PXDNL: variants seen among roughly 807,000 people sequenced by gnomAD.
PXDNL encodes the protein peroxidasin like.
In PXDNL, 145 loss-of-function variants were observed where a neutral mutation model predicts 150.8. The ratio of observed to expected loss-of-function variants is 0.96; its 90% CI spans 0.84 to 1.10. The LOEUF (loss-of-function observed/expected upper bound fraction) is 1.10, where lower values mean the gene tolerates loss of function less well. Among genes scored for constraint, PXDNL ranks in the 50% least tolerant of loss-of-function variants. The pLI, the probability that PXDNL is intolerant of heterozygous loss-of-function variation, is 0.00. For synonymous variants in PXDNL, 757 were observed against 725.7 expected (o/e 1.04, Z -0.69); for missense variants, 2,087 against 1,873.9 (o/e 1.11, Z -2.10).
chr8:51,686,751 T>C (rs1236341264), intron 1 of PXDNL, among the ~76,000 whole-genome samples: 1 of 152,176 alleles, frequency 6.6e-6, no homozygotes, highest in East Asian at 1.9e-4. Flanking sequence ...TGAAATATTT[T>C]GTGGGCATAA....
intron 19 of PXDNL, among the ~76,000 whole-genome samples, chr8:51,361,475 A>T (rs578052640): frequency 3.3e-5 from 5 of 152,314 alleles, no homozygotes; most frequent in South Asian, 2.1e-4. Context: ...GATGTAAGGT[A>T]AAAAGGAGAT....
chr8:51,625,297 A>G (rs1814341457), intron 2 of PXDNL, among the ~76,000 whole-genome samples: 2 of 152,184 alleles, frequency 1.3e-5, no homozygotes, highest in Non-Finnish European at 2.9e-5. Context: ...TAGAGAAAAA[A>G]GCGATGTATG....
chr8:51,320,024 T>C lies in PXDNL; in HGVS notation c.4261-2A>G. Reference sequence around the variant, plus strand: ...CACCACACAGGTGACCTGGCCACTCTGAAAGGCAGCATGCACATATCACCT... The same window carrying C: ...CACCACACAGGTGACCTGGCCACTCCGAAAGGCAGCATGCACATATCACCT... On this transcript the variant is annotated splice_acceptor_variant, in intron 22 of 22. Transcript: ENST00000356297. LOFTEE classifies it high-confidence loss of function. 6.7e-7 allele frequency: 1 copy of C among 1,498,488 alleles called. No individual in the cohort carries two copies. Among genetic ancestry groups the C allele is most frequent in the Non-Finnish European group, 8.9e-7 (1 of 1,124,662 alleles). 92.8% of individuals were successfully genotyped at this position (1,498,488 alleles called of 1,614,324 possible).
rs367862959 is a variant in PXDNL, at chr8:51,554,529, C to G, written c.380+2311G>C. On this transcript the variant is annotated intron_variant, in intron 4 of 22. Coordinates refer to ENST00000356297, the MANE Select transcript of PXDNL (RefSeq NM_144651.5). ...CTTCCCTTTTAATTATAAAGGTCATCTTTAAATCATTCATCTCTTCCTACA... is the reference window on the plus strand; with the variant it reads ...CTTCCCTTTTAATTATAAAGGTCATGTTTAAATCATTCATCTCTTCCTACA... Among the ~76,000 whole-genome samples the G allele has an allele frequency of 9.9e-4, 151 of 152,302 alleles. 7 individuals are homozygous for G. In the South Asian group the frequency reaches 0.028, roughly 28 times the overall value.
intron 12 of PXDNL, among the ~76,000 whole-genome samples, chr8:51,439,660 A>G (rs1404687449): frequency 6.6e-6 from 1 of 152,028 alleles, no homozygotes; most frequent in East Asian, 1.9e-4. Context: ...AACTGTCTCT[A>G]CTAAAAATAT....
chr8:51,691,806 T>C (rs1335466358), intron 1 of PXDNL, among the ~76,000 whole-genome samples: 4 of 152,168 alleles, frequency 2.6e-5, no homozygotes, highest in African/African-American at 7.2e-5. Context: ...AGAACACTTA[T>C]CCTCAGCCCC....
At chr8:51,748,470 C>G (rs1259487188) in intron 1 of PXDNL, among the ~76,000 whole-genome samples, 1 of 152,122 alleles carries the variant, frequency 6.6e-6, no homozygotes, top group East Asian at 1.9e-4. Flanking sequence ...GGCAGAAAGG[C>G]AGGTGGGGTG....
At chr8:51,367,927 A>C (rs1806970573) in intron 19 of PXDNL, among the ~76,000 whole-genome samples, 1 of 152,188 alleles carries the variant, frequency 6.6e-6, no homozygotes, top group Non-Finnish European at 1.5e-5. Context: ...CAGGAGTTTG[A>C]GACCAGCCTG....
chr8:51,330,641 T>C (rs1339419792), intron 21 of PXDNL, among the ~76,000 whole-genome samples: 2 of 152,210 alleles, frequency 1.3e-5, no homozygotes, highest in Admixed American at 1.3e-4. Flanking sequence ...ATCAACTACA[T>C]TCACATTATG....
At chr8:51,490,019 G>A (rs1165036653) in intron 5 of PXDNL, among the ~76,000 whole-genome samples, 2 of 152,088 alleles carry the variant, frequency 1.3e-5, no homozygotes, top group Non-Finnish European at 1.5e-5. Flanking sequence ...TAGAAGACAG[G>A]GGTCTCTGGT....
chr8:51,714,689 G>A (rs538803234), intron 1 of PXDNL, among the ~76,000 whole-genome samples: 11 of 152,142 alleles, frequency 7.2e-5, no homozygotes, highest in Non-Finnish European at 1.6e-4. Flanking sequence ...GACAAGAGGG[G>A]AAGGAAAATG....
chr8:51,433,591 C>T (rs1479826455), intron 12 of PXDNL, among the ~76,000 whole-genome samples: 1 of 152,112 alleles, frequency 6.6e-6, no homozygotes, highest in Non-Finnish European at 1.5e-5. Flanking sequence ...TTACAGAATT[C>T]ATCTGTAAAT....
Position 51,803,544 on chromosome 8 carries a change from C to T in PXDNL, c.164+5637G>A, listed in dbSNP as rs545843114. 5.9e-5 allele frequency among the ~76,000 whole-genome samples: 9 copies of T among 152,258 alleles called. 1 individual carries two copies. The highest frequency in any genetic ancestry group is 1.4e-4 in the African/African-American group (6 of 41,548). ...CCCATCCTCTCTCTTGAAGAACAAA[C>T]GATACTGTCTTCTGGGCTCCTCCTG... On this transcript the variant is annotated intron_variant, in intron 1 of 22. Transcript: ENST00000356297.
chr8:51,509,796 A>G (rs1811373536), intron 4 of PXDNL, among the ~76,000 whole-genome samples: 1 of 151,232 alleles, frequency 6.6e-6, no homozygotes, highest in Non-Finnish European at 1.5e-5. Flanking sequence ...ACACACGTAT[A>G]TGTATATATA....
intron 4 of PXDNL, among the ~76,000 whole-genome samples, chr8:51,550,306 G>T (rs1812451950): frequency 1.3e-5 from 2 of 152,030 alleles, no homozygotes; most frequent in African/African-American, 4.8e-5. Flanking sequence ...AAAAGATAAA[G>T]AAAGAGGGAA....
chr8:51,600,182 A>G (rs964094674), intron 2 of PXDNL, among the ~76,000 whole-genome samples: 10 of 143,856 alleles, frequency 7.0e-5, no homozygotes, highest in African/African-American at 2.5e-4. Context: ...ATTATACCTT[A>G]TATAAATTAT....
intron 1 of PXDNL, among the ~76,000 whole-genome samples, chr8:51,788,057 A>G (rs574661335): frequency 1.1e-4 from 16 of 152,346 alleles, no homozygotes; most frequent in Non-Finnish European, 2.2e-4. Flanking sequence ...AGCTGTGTTC[A>G]TTTTTTAGAC....
At chr8:51,643,827 GAACTCA>G (rs954848867) in intron 2 of PXDNL, among the ~76,000 whole-genome samples, 1 of 152,040 alleles carries the variant, frequency 6.6e-6, no homozygotes, top group African/African-American at 2.4e-5. Context: ...AATCTAGAAA[GAACTCA>G]AACAAATTTA....
At chr8:51,763,885 T>C (rs1051942090) in intron 1 of PXDNL, among the ~76,000 whole-genome samples, 5 of 152,234 alleles carry the variant, frequency 3.3e-5, no homozygotes, top group African/African-American at 1.2e-4. Context: ...CTGTGAAGAA[T>C]TGTTAATTAT....
Sources: allele counts gnomAD v4.1 joint callset (sites outside exome capture counted in the v4.1 genomes callset), GRCh38; gene constraint gnomAD v4.1.1; transcripts MANE v1.5; gene names NCBI Gene and HGNC (gene_info 2026-07-23, HGNC 2026-07-21).